Variants in DCAF10 observed in about 807,000 individuals in gnomAD.
DCAF10 encodes the protein DDB1- and CUL4-associated factor 10.
In DCAF10, 19 loss-of-function variants were observed where a neutral mutation model predicts 51.9. That is an observed-to-expected ratio of 0.37 (90% confidence interval 0.26 to 0.54). The LOEUF is 0.54. Among genes scored for constraint, DCAF10 ranks in the 20% least tolerant of loss-of-function variants. The pLI, the probability that DCAF10 is intolerant of heterozygous loss-of-function variation, is 0.87. For missense variants in DCAF10, 510 were observed against 730.6 expected (o/e 0.70, Z 3.48); for synonymous variants, 291 against 297.1 (o/e 0.98, Z 0.21).
At chr9:37,857,114 A>G (rs1587132125) in intron 4 of DCAF10, 127 bp from the exon 5 acceptor site, 6 of 617,232 alleles carry the variant, frequency 9.7e-6, no homozygotes, top group African/African-American at 5.7e-5. Flanking sequence ...CCTCAGTCTT[A>G]TAGGCCAGTG....
At chr9:37,839,218 C>G (rs1830262424) in intron 2 of DCAF10, among the ~76,000 whole-genome samples, 1 of 151,954 alleles carries the variant, frequency 6.6e-6, no homozygotes, top group African/African-American at 2.4e-5. Context: ...GCCACCATGC[C>G]CAGCTAATTT....
chr9:37,834,043 G>A (rs997184067), intron 2 of DCAF10, among the ~76,000 whole-genome samples: 1 of 152,126 alleles, frequency 6.6e-6, no homozygotes, highest in Non-Finnish European at 1.5e-5. Context: ...CAGCTCAAGC[G>A]ATTCTCCTGC....
At chr9:37,807,457 G>A (rs1829148147) in intron 1 of DCAF10, among the ~76,000 whole-genome samples, 1 of 152,142 alleles carries the variant, frequency 6.6e-6, no homozygotes, top group Non-Finnish European at 1.5e-5. Flanking sequence ...GGGCATCTGT[G>A]TCAAATAAAA....
rs1175216056 is a variant in DCAF10 at position 37,867,475 on chromosome 9, A to G, written c.*5967A>G. ...AATTTTAGATTCACATTTTTAGGAAATTTGGAGTATTCCAGACAATATACT... is the reference window on the plus strand; with the variant it reads ...AATTTTAGATTCACATTTTTAGGAAGTTTGGAGTATTCCAGACAATATACT... On this transcript the variant is annotated 3_prime_UTR_variant, in exon 7 of 7. Coordinates refer to ENST00000377724, the MANE Select transcript of DCAF10 (RefSeq NM_024345.5). 1 of 151,604 alleles carries G rather than the reference A, an allele frequency of 6.6e-6. No homozygotes were observed. Among genetic ancestry groups the G allele is most frequent in the Non-Finnish European group, 1.5e-5 (1 of 67,956 alleles). The allele number at this position is 151,604 out of a possible 1,614,324, so 9.4% of individuals were successfully genotyped here.
chr9:37,838,698 C>T (rs1315025161), intron 2 of DCAF10, among the ~76,000 whole-genome samples: 1 of 151,938 alleles, frequency 6.6e-6, no homozygotes, highest in East Asian at 1.9e-4. Context: ...TTGTGACCAG[C>T]CTGGCCAACC....
At chr9:37,808,590 T>TG in intron 1 of DCAF10, among the ~76,000 whole-genome samples, 1 of 106,818 alleles carries the variant, frequency 9.4e-6, no homozygotes, top group Non-Finnish European at 1.8e-5. Flanking sequence ...ATAAAATATA[T>TG]TTATATAATA....
chr9:37,833,015 A>G (rs1461916655), intron 2 of DCAF10, among the ~76,000 whole-genome samples: 3 of 152,054 alleles, frequency 2.0e-5, no homozygotes, highest in African/African-American at 4.8e-5. Flanking sequence ...CAGCCTCTCA[A>G]TAGCTGGGAC....
chr9:37,850,956 T>G (rs1435350782), intron 3 of DCAF10, among the ~76,000 whole-genome samples: 2 of 149,604 alleles, frequency 1.3e-5, no homozygotes, highest in Non-Finnish European at 3.0e-5. Context: ...AAAACTCATT[T>G]TTTTAGGCCT....
intron 2 of DCAF10, among the ~76,000 whole-genome samples, chr9:37,820,448 GA>G (rs1344294940): frequency 6.6e-6 from 1 of 152,192 alleles, no homozygotes; most frequent in Non-Finnish European, 1.5e-5. Flanking sequence ...ATCACTACAT[GA>G]AGTCCGGGGT....
intron 2 of DCAF10, among the ~76,000 whole-genome samples, chr9:37,838,645 C>G (rs1830243571): frequency 1.3e-5 from 2 of 152,070 alleles, no homozygotes; most frequent in African/African-American, 4.8e-5. Context: ...AATCCCAGCA[C>G]TTTGGGAGGC....
intron 3 of DCAF10, 45 bp downstream of exon 3, chr9:37,842,331 T>C: frequency 1.9e-6 from 3 of 1,558,352 alleles, no homozygotes; most frequent in Non-Finnish European, 2.6e-6. Context: ...CAAAAACATT[T>C]TTTTTAAAGA....
intron 1 of DCAF10, among the ~76,000 whole-genome samples, chr9:37,809,524 A>G (rs1414832927): frequency 6.6e-6 from 1 of 152,236 alleles, no homozygotes; most frequent in African/African-American, 2.4e-5. Flanking sequence ...AAATGCACAG[A>G]TAATATTCAG....
intron 2 of DCAF10, among the ~76,000 whole-genome samples, chr9:37,827,384 G>GAAAACA (rs892436508): frequency 1.3e-5 from 2 of 151,916 alleles, no homozygotes; most frequent in African/African-American, 2.4e-5. Context: ...CAAGCAGGTA[G>GAAAACA]AAAACAAAAA....
rs532963613 is a variant in DCAF10, at chr9:37,842,086, T to C, written c.654-3T>C. On this transcript the variant is annotated splice_polypyrimidine_tract_variant and splice_region_variant and intron_variant, in intron 2 of 6. Transcript: ENST00000377724. ...CCAGGGTTTTGTTTTTCTGCTTTTA[T>C]AGATTTCTTGATAACCGGCTGTTTG... 1.2e-6 allele frequency: 2 copies of C among 1,600,268 alleles called. No individual in the cohort carries two copies. Among genetic ancestry groups the C allele is most frequent in the East Asian group, 2.2e-5 (1 of 44,784 alleles).
Position 37,829,174 on chromosome 9 carries a change from G to A in DCAF10, c.653+9773G>A, listed in dbSNP as rs937744783. On this transcript the variant is annotated intron_variant, in intron 2 of 6. Coordinates refer to ENST00000377724, the MANE Select transcript of DCAF10 (RefSeq NM_024345.5). The surrounding 1 kb of genome is among the most constrained non-coding windows in gnomAD (Gnocchi z 4.2). ...TAAGATAAACTACAATGAACAGGCC[G>A]GGCACGGTGGCTCATGCCTGTAATT... 1.6e-4 allele frequency among the ~76,000 whole-genome samples: 25 copies of A among 152,150 alleles called. No individual in the cohort carries two copies. Among genetic ancestry groups the A allele is most frequent in the African/African-American group, 5.3e-4 (22 of 41,430 alleles).
chr9:37,855,260 G>C (rs1214989240), intron 4 of DCAF10, among the ~76,000 whole-genome samples: 1 of 152,134 alleles, frequency 6.6e-6, no homozygotes, highest in Non-Finnish European at 1.5e-5. Flanking sequence ...CTAGCCACAG[G>C]ATCTTTTCAT....
intron 2 of DCAF10, among the ~76,000 whole-genome samples, chr9:37,820,168 G>A (rs1423636363): frequency 2.0e-5 from 3 of 151,962 alleles, no homozygotes; most frequent in Non-Finnish European, 2.9e-5. Context: ...ACTAGTCAAC[G>A]TAACATACTG....
intron 3 of DCAF10, among the ~76,000 whole-genome samples, chr9:37,843,754 T>C (rs941917140): frequency 4.1e-4 from 62 of 152,208 alleles, no homozygotes; most frequent in African/African-American, 1.4e-3. Context: ...TTTTTTGTTA[T>C]TTCACAAAGC....
Position 37,865,853 on chromosome 9 carries a change from T to C in DCAF10, c.*4345T>C, listed in dbSNP as rs1186544095. 6.6e-6 allele frequency: 1 copy of C among 152,474 alleles called. No homozygotes were observed. Among genetic ancestry groups the C allele is most frequent in the African/African-American group, 2.4e-5 (1 of 41,466 alleles). 9.4% of individuals were successfully genotyped at this position (152,474 alleles called of 1,614,324 possible). ...AAGGAACAAGAAAAAGGTAAATTCATGTGTTCCCCACTGCTGTGTCTAGAA... is the reference window on the plus strand; with the variant it reads ...AAGGAACAAGAAAAAGGTAAATTCACGTGTTCCCCACTGCTGTGTCTAGAA... On this transcript the variant is annotated 3_prime_UTR_variant, in exon 7 of 7. Coordinates refer to ENST00000377724, the MANE Select transcript of DCAF10 (RefSeq NM_024345.5).
Sources: gnomAD v4.1 joint callset for allele counts (sites outside exome capture counted in the v4.1 genomes callset) on GRCh38, gnomAD v4.1.1 for gene constraint, Gnocchi (gnomAD v3.1) non-coding constraint, MANE v1.5 for transcripts, NCBI Gene and HGNC (gene_info 2026-07-23, HGNC 2026-07-21) for gene names.